Variants in NEGR1 observed in about 807,000 individuals in gnomAD.
The protein encoded by NEGR1 is IgLON family member 4.
A neutral mutation model predicts 40.9 loss-of-function variants in NEGR1; 10 were observed. That is an observed-to-expected ratio of 0.24 (90% CI 0.15 to 0.42). NEGR1 has a LOEUF of 0.42. Ranked by LOEUF, NEGR1 falls within the 10% of genes least tolerant of loss-of-function variation. The pLI is 1.00. For missense variants in NEGR1, 352 were observed against 438.9 expected, an observed-to-expected ratio of 0.80 and a Z score of 1.77; for synonymous variants, 185 against 166.8, an observed-to-expected ratio of 1.11 and a Z score of -0.84.
chr1:71,819,243 C>G (rs781642018), intron 2 of NEGR1, among the ~76,000 whole-genome samples: 2 of 151,844 alleles, frequency 1.3e-5, no homozygotes, highest in Non-Finnish European at 2.9e-5. Context: ...TGGAAAAGAC[C>G]TAGTAATTAG....
chr1:72,135,389 ACAAAAAAC>A (rs1650418205), intron 1 of NEGR1, among the ~76,000 whole-genome samples: 1 of 128,060 alleles, frequency 7.8e-6, no homozygotes, highest in Non-Finnish European at 1.6e-5. Context: ...AAAAAAAAAA[ACAAAAAAC>A]AAAAAACAAA....
chr1:71,615,285 A>C (rs1650412430), intron 4 of NEGR1, among the ~76,000 whole-genome samples: 1 of 116,590 alleles, frequency 8.6e-6, no homozygotes, highest in Non-Finnish European at 2.3e-5. Context: ...GGATCACATT[A>C]ATGAAAAAAA....
At chr1:71,794,722 G>T (rs1438117991) in intron 2 of NEGR1, among the ~76,000 whole-genome samples, 2 of 152,088 alleles carry the variant, frequency 1.3e-5, no homozygotes, top group African/African-American at 2.4e-5. Flanking sequence ...AGATGAAAAA[G>T]ATTGGTAAAT....
intron 4 of NEGR1, among the ~76,000 whole-genome samples, chr1:71,615,599 G>A (rs976980104): frequency 1.3e-5 from 2 of 152,194 alleles, no homozygotes; most frequent in Non-Finnish European, 2.9e-5. Context: ...ATAGCAAAAT[G>A]GTCATCATTG....
chr1:71,567,444 T>A (rs1459579089), intron 6 of NEGR1, among the ~76,000 whole-genome samples: 1 of 152,094 alleles, frequency 6.6e-6, no homozygotes, highest in Admixed American at 6.5e-5. Context: ...TACCTATACT[T>A]TAATTTAATA....
intron 6 of NEGR1, among the ~76,000 whole-genome samples, chr1:71,557,345 T>C (rs1193770738): frequency 6.6e-6 from 1 of 151,488 alleles, no homozygotes; most frequent in Non-Finnish European, 1.5e-5. Flanking sequence ...GTCTGGGAAA[T>C]TAGGCTTTCT....
chr1:71,439,622 C>G (rs1404430913), intron 6 of NEGR1: 1 of 152,138 alleles, frequency 6.6e-6, no homozygotes, highest in African/African-American at 2.4e-5. Flanking sequence ...CTTGGCCTCC[C>G]AAAATGCTGA....
In NEGR1 at chr1:71,579,339, T is replaced by A. The variant is rs184490524; in HGVS notation, c.940+13478A>T. ...CCAAACCCCTTTTCAAAATTGACAA[T>A]CTCCAAAATGTTGTGAATCAAGTTA... On this transcript the variant is annotated intron_variant, in intron 6 of 6. Coordinates refer to ENST00000357731, the MANE Select transcript of NEGR1 (RefSeq NM_173808.3). Among the ~76,000 whole-genome samples, 145 of 152,218 alleles carry A rather than the reference T, an allele frequency of 9.5e-4. 1 individual carries two copies. The highest frequency in any genetic ancestry group is 1.5e-3 in the African/African-American group (62 of 41,532).
intron 2 of NEGR1, among the ~76,000 whole-genome samples, chr1:71,897,420 T>C (rs1241203661): frequency 6.6e-6 from 1 of 152,188 alleles, no homozygotes; most frequent in East Asian, 1.9e-4. Context: ...CCTCAACTTC[T>C]GTGTTGTCAC....
chr1:72,112,154 A>T (rs1024302512), intron 1 of NEGR1, among the ~76,000 whole-genome samples: 1 of 151,338 alleles, frequency 6.6e-6, no homozygotes, highest in African/African-American at 2.4e-5. Context: ...AACCTATTTA[A>T]TTTCTCCATT....
chr1:71,866,288 C>T (rs557597028), intron 2 of NEGR1, among the ~76,000 whole-genome samples: 5 of 152,050 alleles, frequency 3.3e-5, no homozygotes, highest in Non-Finnish European at 7.4e-5. Flanking sequence ...AGACCATTAG[C>T]AATTTAGCAA....
At chr1:71,730,435 G>A (rs1654821222) in intron 3 of NEGR1, among the ~76,000 whole-genome samples, 1 of 151,268 alleles carries the variant, frequency 6.6e-6, no homozygotes, top group African/African-American at 2.4e-5. Flanking sequence ...AGGACTTCTG[G>A]CTTGAACTAA....
intron 3 of NEGR1, among the ~76,000 whole-genome samples, chr1:71,774,179 G>A (rs1656422603): frequency 6.6e-6 from 1 of 152,164 alleles, no homozygotes; most frequent in Non-Finnish European, 1.5e-5. Flanking sequence ...TAGGAAACTA[G>A]CTGGTGGTAA....
intron 2 of NEGR1, among the ~76,000 whole-genome samples, chr1:71,860,412 G>A (rs1659911262): frequency 6.6e-6 from 1 of 151,866 alleles, no homozygotes; most frequent in South Asian, 2.1e-4. Context: ...TAAATCTTGT[G>A]AATCAGTTGA....
chr1:71,773,631 G>T (rs1656404540), intron 3 of NEGR1, among the ~76,000 whole-genome samples: 1 of 152,080 alleles, frequency 6.6e-6, no homozygotes, highest in African/African-American at 2.4e-5. Flanking sequence ...TTTGAATGTA[G>T]ATCATTAATA....
chr1:71,574,001 T>C (rs1003696654), intron 6 of NEGR1, among the ~76,000 whole-genome samples: 1 of 152,190 alleles, frequency 6.6e-6, no homozygotes, highest in Non-Finnish European at 1.5e-5. Flanking sequence ...GTTCCCTGTT[T>C]TGTTGGGAAT....
intron 1 of NEGR1, among the ~76,000 whole-genome samples, chr1:72,260,648 T>A (rs1054439493): frequency 2.6e-5 from 4 of 152,092 alleles, no homozygotes; most frequent in Admixed American, 2.0e-4. Flanking sequence ...TCAAACTGAC[T>A]AACTTGCCCC....
intron 1 of NEGR1, among the ~76,000 whole-genome samples, chr1:72,074,833 T>A (rs1265685879): frequency 6.6e-6 from 1 of 152,100 alleles, no homozygotes; most frequent in East Asian, 1.9e-4. Flanking sequence ...ATTTCTCCAT[T>A]TTTTGGTCTT....
At chr1:72,252,225 G>A (rs1256089648) in intron 1 of NEGR1, among the ~76,000 whole-genome samples, 2 of 141,612 alleles carry the variant, frequency 1.4e-5, no homozygotes, top group Non-Finnish European at 2.9e-5. Context: ...TGTATTTTGA[G>A]TAGAGACAGG....
Sources: allele counts gnomAD v4.1 joint callset (sites outside exome capture counted in the v4.1 genomes callset), GRCh38; gene constraint gnomAD v4.1.1; transcripts MANE v1.5; gene names NCBI Gene and HGNC (gene_info 2026-07-23, HGNC 2026-07-21).